LMNB1: variants seen among roughly 807,000 people sequenced by gnomAD.
LMNB1 encodes the protein lamin-B1.
LMNB1 carries 23 observed loss-of-function variants against 67.1 expected under a neutral mutation model. The observed-to-expected ratio is 0.34, with a 90% CI of 0.25 to 0.49. The LOEUF is 0.49. LMNB1 is among the 20% of genes least tolerant of loss of function. LMNB1 has a pLI of 0.99. For missense variants in LMNB1, 634 were observed against 746.5 expected (o/e 0.85, Z 1.76); for synonymous variants, 281 against 282.9 (o/e 0.99, Z 0.07).
At chr5:126,813,860 A>G (rs547852382) in intron 5 of LMNB1, among the ~76,000 whole-genome samples, 2 of 152,292 alleles carry the variant, frequency 1.3e-5, no homozygotes, top group East Asian at 1.9e-4. Flanking sequence ...TGGGAACACA[A>G]ACACACAGAC....
At chr5:126,789,637 T>G (rs1285182753) in intron 1 of LMNB1, among the ~76,000 whole-genome samples, 1 of 152,218 alleles carries the variant, frequency 6.6e-6, no homozygotes, top group Non-Finnish European at 1.5e-5. Context: ...CCGTTTACTG[T>G]GATCCTCTTA....
chr5:126,798,612 T>TAGAAG (rs1421853607), intron 1 of LMNB1, among the ~76,000 whole-genome samples: 1 of 152,186 alleles, frequency 6.6e-6, no homozygotes, highest in Non-Finnish European at 1.5e-5. Flanking sequence ...TTAGAGATTA[T>TAGAAG]AGAAGCATCA....
intron 5 of LMNB1, among the ~76,000 whole-genome samples, chr5:126,814,237 C>T (rs1751650138): frequency 6.6e-6 from 1 of 152,148 alleles, no homozygotes; most frequent in African/African-American, 2.4e-5. Context: ...AAATGGGCCT[C>T]TCTGTTCTTG....
chr5:126,780,018 G>A (rs1172838547), intron 1 of LMNB1, among the ~76,000 whole-genome samples: 1 of 150,664 alleles, frequency 6.6e-6, no homozygotes, highest in African/African-American at 2.4e-5. Context: ...GCGACAGAGT[G>A]AGACCCCATC....
intron 4 of LMNB1, 68 bp downstream of exon 4, chr5:126,810,418 T>G (rs984298707): frequency 6.0e-5 from 71 of 1,174,690 alleles, no homozygotes; most frequent in Non-Finnish European, 8.2e-5. Context: ...ATGATGAACA[T>G]GGCTTTATGT....
rs74640805 is a variant in LMNB1, at chr5:126,804,757, C to T, written c.360-19C>T. 0.011 allele frequency: 17,564 copies of T among 1,610,028 alleles called. 135 individuals carry two copies. Among genetic ancestry groups the T allele is most frequent in the Admixed American group, 0.022 (1,337 of 59,454 alleles). Reference sequence around the variant, plus strand: ...CATCAGTATGGTTTGATGTCTTATGCTTTTTAAATCTGTTCCAGCTATGCT... The same window carrying T: ...CATCAGTATGGTTTGATGTCTTATGTTTTTTAAATCTGTTCCAGCTATGCT... On this transcript the variant is annotated intron_variant, in intron 1 of 10. Coordinates refer to ENST00000261366, the MANE Select transcript of LMNB1 (RefSeq NM_005573.4).
intron 1 of LMNB1, among the ~76,000 whole-genome samples, chr5:126,792,288 A>T (rs1750982174): frequency 1.3e-5 from 2 of 151,658 alleles, no homozygotes; most frequent in South Asian, 4.2e-4. Flanking sequence ...GATTACAGAC[A>T]CGTGCCATTA....
At chr5:126,794,297 G>A (rs1751037304) in intron 1 of LMNB1, among the ~76,000 whole-genome samples, 2 of 152,154 alleles carry the variant, frequency 1.3e-5, no homozygotes, top group African/African-American at 4.8e-5. Context: ...GAAAAATACT[G>A]TGGATCACAT....
intron 1 of LMNB1, among the ~76,000 whole-genome samples, chr5:126,799,175 C>T (rs1286208928): frequency 6.6e-6 from 1 of 152,104 alleles, no homozygotes; most frequent in Non-Finnish European, 1.5e-5. Flanking sequence ...CCCGCCACCT[C>T]GCCCGGCTAA....
intron 10 of LMNB1, among the ~76,000 whole-genome samples, chr5:126,834,351 A>T (rs1046715455): frequency 6.6e-6 from 1 of 152,132 alleles, no homozygotes; most frequent in Non-Finnish European, 1.5e-5. Context: ...GATTACAGGC[A>T]TGCGCCACCA....
rs1639966075 is a variant in LMNB1, at chr5:126,811,903, A to G, written c.939+5A>G. 6.2e-7 allele frequency: 1 copy of G among 1,605,996 alleles called. No homozygotes were observed. The highest frequency in any genetic ancestry group is 8.5e-7 in the Non-Finnish European group (1 of 1,173,500). On this transcript the variant is annotated splice_donor_5th_base_variant and intron_variant, in intron 5 of 10. Coordinates refer to ENST00000261366, the MANE Select transcript of LMNB1 (RefSeq NM_005573.4). ...CTTTCTAATCTACAGAAAGAGGTAA[A>G]TAATCATCTTTCTGTAAGAAGTTAG...
At chr5:126,820,714 C>T (rs1335518773) in intron 6 of LMNB1, among the ~76,000 whole-genome samples, 196 bp from the exon 7 acceptor site, 4 of 151,800 alleles carry the variant, frequency 2.6e-5, no homozygotes, top group African/African-American at 7.3e-5. Context: ...TTAGTAGAGA[C>T]GGGGTTTCAC....
At chr5:126,814,185 G>C (rs556045862) in intron 5 of LMNB1, among the ~76,000 whole-genome samples, 21 of 152,274 alleles carry the variant, frequency 1.4e-4, no homozygotes, top group African/African-American at 4.6e-4. Flanking sequence ...GTGAGCCACT[G>C]CACCTGGCCT....
At chr5:126,806,675 A>G (rs1397842789) in intron 3 of LMNB1, among the ~76,000 whole-genome samples, 1 of 152,126 alleles carries the variant, frequency 6.6e-6, no homozygotes, top group East Asian at 1.9e-4. Context: ...CAGAAGCCAG[A>G]TTGTCTTCTA....
chr5:126,804,464 C>T (rs1419999204), intron 1 of LMNB1, among the ~76,000 whole-genome samples: 2 of 152,008 alleles, frequency 1.3e-5, no homozygotes, highest in South Asian at 4.1e-4. Context: ...TCAAAAATAT[C>T]CTGTGTTAGT....
intron 5 of LMNB1, among the ~76,000 whole-genome samples, chr5:126,818,052 C>A (rs943770550): frequency 1.3e-5 from 2 of 152,070 alleles, no homozygotes; most frequent in African/African-American, 4.8e-5. Context: ...ACAAATCACC[C>A]TATATTGTGT....
intron 3 of LMNB1, among the ~76,000 whole-genome samples, chr5:126,807,488 C>G (rs1561745605): frequency 6.6e-6 from 1 of 152,182 alleles, no homozygotes; most frequent in Non-Finnish European, 1.5e-5. Flanking sequence ...AATACTAATA[C>G]TGCTATTTTT....
intron 5 of LMNB1, among the ~76,000 whole-genome samples, chr5:126,817,064 T>C (rs1249785049): frequency 1.3e-5 from 1 of 77,676 alleles, no homozygotes; most frequent in African/African-American, 4.3e-5. Flanking sequence ...GATTTATCCA[T>C]TCCCCGTTTG....
intron 1 of LMNB1, among the ~76,000 whole-genome samples, chr5:126,782,674 C>G (rs929820189): frequency 6.6e-6 from 1 of 151,952 alleles, no homozygotes; most frequent in Non-Finnish European, 1.5e-5. Flanking sequence ...CTCAGCCTCC[C>G]AAGTAGCTGG....
Sources: allele counts gnomAD v4.1 joint callset (sites outside exome capture counted in the v4.1 genomes callset), GRCh38; gene constraint gnomAD v4.1.1; transcripts MANE v1.5; gene names NCBI Gene and HGNC (gene_info 2026-07-23, HGNC 2026-07-21).